COL9A1: variants seen among roughly 807,000 people sequenced by gnomAD.
The protein encoded by COL9A1 is collagen type IX alpha 1 chain.
In COL9A1, 104 loss-of-function variants were observed where a neutral mutation model predicts 142.6. That is an observed-to-expected ratio of 0.73 (90% CI 0.62 to 0.86). The LOEUF is 0.86. Among genes scored for constraint, COL9A1 ranks in the 40% least tolerant of loss-of-function variants. COL9A1 has a pLI of 0.00. For missense variants in COL9A1, 1,210 were observed against 1,176.6 expected (o/e 1.03, Z -0.42); for synonymous variants, 466 against 396.0 (o/e 1.18, Z -2.10).
intron 26 of COL9A1, 36 bp from the exon 27 acceptor site, chr6:70,252,351 C>G: frequency 3.2e-6 from 5 of 1,583,478 alleles, no homozygotes; most frequent in Non-Finnish European, 4.3e-6. Context: ...ATAACTCATG[C>G]TGAAGTAAGC....
chr6:70,270,990 A>G (rs1163431700), intron 14 of COL9A1, among the ~76,000 whole-genome samples: 2 of 152,226 alleles, frequency 1.3e-5, no homozygotes, highest in Admixed American at 1.3e-4. Context: ...TCTGCCATAA[A>G]GAGTCGGAAG....
chr6:70,244,487 G>T (rs1770464716), intron 28 of COL9A1, among the ~76,000 whole-genome samples: 1 of 152,274 alleles, frequency 6.6e-6, no homozygotes, highest in South Asian at 2.1e-4. Context: ...AATTTCTCAA[G>T]TGCATCATGA....
At chr6:70,228,502 A>AT (rs374363493) in intron 36 of COL9A1, among the ~76,000 whole-genome samples, 10 of 152,024 alleles carry the variant, frequency 6.6e-5, no homozygotes, top group East Asian at 1.9e-4. Context: ...TATACATACC[A>AT]TTTTTTTTCC....
intron 15 of COL9A1, 41 bp from the exon 16 acceptor site, chr6:70,269,706 T>C: frequency 2.3e-6 from 3 of 1,308,396 alleles, no homozygotes; most frequent in Non-Finnish European, 3.3e-6. Flanking sequence ...TACAATTAAA[T>C]AATGAATTCA....
chr6:70,239,228 A>G (rs747816190), intron 33 of COL9A1, 26 bp downstream of exon 33: 3 of 1,444,276 alleles, frequency 2.1e-6, no homozygotes, highest in South Asian at 1.2e-5. Flanking sequence ...TAATTTTTTT[A>G]TACCATTACT....
chr6:70,239,377 T>A, intron 32 of COL9A1, 91 bp from the exon 33 acceptor site: 1 of 901,890 alleles, frequency 1.1e-6, no homozygotes, highest in Non-Finnish European at 1.8e-6. Flanking sequence ...GCTACTAAAA[T>A]ACGGAAAACC....
chr6:70,257,048 ATTTTTTTTTTT>A (rs542296705), intron 20 of COL9A1, among the ~76,000 whole-genome samples: 5 of 105,018 alleles, frequency 4.8e-5, no homozygotes, highest in African/African-American at 3.9e-5. Flanking sequence ...CCACTCTGTA[ATTTTTTTTTTT>A]TTTTTTTTTT....
At chr6:70,272,326 T>A (rs1347543405) in intron 12 of COL9A1, among the ~76,000 whole-genome samples, 2 of 56,330 alleles carry the variant, frequency 3.6e-5, no homozygotes, top group African/African-American at 1.6e-4. Context: ...TTTTCCAAAC[T>A]TTTTTTTTTT....
chr6:70,299,005 C>A (rs1583353895), intron 4 of COL9A1, among the ~76,000 whole-genome samples: 1 of 151,828 alleles, frequency 6.6e-6, no homozygotes, highest in South Asian at 2.1e-4. Flanking sequence ...TTTGGGGATC[C>A]CTGATTTAAG....
At chr6:70,247,947 G>A (rs1770703200) in intron 28 of COL9A1, among the ~76,000 whole-genome samples, 1 of 152,188 alleles carries the variant, frequency 6.6e-6, no homozygotes, top group African/African-American at 2.4e-5. Flanking sequence ...CATTGAGGCT[G>A]TTGGTATTGG....
intron 33 of COL9A1, among the ~76,000 whole-genome samples, chr6:70,235,156 A>C (rs1761167261): frequency 6.6e-6 from 1 of 152,188 alleles, no homozygotes. Flanking sequence ...GTTAACTTTC[A>C]ATATATCTTT....
At chr6:70,270,269 C>T (rs1285245846) in intron 15 of COL9A1, 45 bp downstream of exon 15, 1 of 1,583,232 alleles carries the variant, frequency 6.3e-7, no homozygotes, top group African/African-American at 1.3e-5. Context: ...TTTTTCAACC[C>T]TGACTCTCAG....
chr6:70,257,188 G>T (rs2127578643), intron 20 of COL9A1, among the ~76,000 whole-genome samples: 1 of 151,716 alleles, frequency 6.6e-6, no homozygotes, highest in Middle Eastern at 3.4e-3. Context: ...AGCCTCCTGA[G>T]TAGCTGGGAC....
chr6:70,265,076 C>T (rs1442029988), intron 18 of COL9A1, among the ~76,000 whole-genome samples: 1 of 151,996 alleles, frequency 6.6e-6, no homozygotes, highest in Non-Finnish European at 1.5e-5. Flanking sequence ...TAAAATAAAT[C>T]AAAGAAATTT....
chr6:70,300,764 GCA>G (rs1774033368), intron 2 of COL9A1, among the ~76,000 whole-genome samples: 1 of 152,174 alleles, frequency 6.6e-6, no homozygotes, highest in African/African-American at 2.4e-5. Context: ...GTCCTGAATG[GCA>G]CAGGGTCAGA....
At chr6:70,221,985 T>C (rs1318672201) in intron 37 of COL9A1, among the ~76,000 whole-genome samples, 3 of 152,162 alleles carry the variant, frequency 2.0e-5, no homozygotes, top group Non-Finnish European at 2.9e-5. Context: ...TCAGCAATTA[T>C]GGGACATGCT....
chr6:70,286,998 G>A (rs548838264), intron 5 of COL9A1, among the ~76,000 whole-genome samples: 17 of 152,274 alleles, frequency 1.1e-4, no homozygotes, highest in African/African-American at 3.9e-4. Context: ...CAGTATCTAA[G>A]CAGAAAATGA....
intron 30 of COL9A1, 136 bp from the exon 31 acceptor site, chr6:70,241,590 C>CT (rs2127565473): frequency 1.3e-6 from 1 of 748,958 alleles, no homozygotes; most frequent in South Asian, 1.6e-5. Flanking sequence ...CCTCACCACC[C>CT]AACAAGAATC....
intron 5 of COL9A1, among the ~76,000 whole-genome samples, chr6:70,286,092 T>C (rs111730714): frequency 0.11 from 16,458 of 152,184 alleles, 1,200 homozygotes; most frequent in Non-Finnish European, 0.16. Context: ...TTTCACCATG[T>C]TGGCCAGGAT....
Sources: allele counts gnomAD v4.1 joint callset (sites outside exome capture counted in the v4.1 genomes callset), GRCh38; gene constraint gnomAD v4.1.1; transcripts MANE v1.5; gene names NCBI Gene and HGNC (gene_info 2026-07-23, HGNC 2026-07-21).